The following EEF2K variants were observed in gnomAD, a reference collection of about 807,000 sequenced individuals.
EEF2K encodes eukaryotic elongation factor 2 kinase.
Under a neutral mutation model 93.8 loss-of-function variants are expected in EEF2K, and 70 were observed. The observed-to-expected ratio is 0.75, with a 90% CI of 0.62 to 0.91. The LOEUF is 0.91. Ranked by LOEUF, EEF2K falls within the 40% of genes least tolerant of loss-of-function variation. The pLI, the probability that EEF2K is intolerant of heterozygous loss-of-function variation, is 0.00. For missense variants in EEF2K, 935 were observed against 972.9 expected, an observed-to-expected ratio of 0.96 and a Z score of 0.52; for synonymous variants, 376 against 380.8, an observed-to-expected ratio of 0.99 and a Z score of 0.15.
chr16:22,268,029 A>T (rs2047541970), intron 15 of EEF2K, among the ~76,000 whole-genome samples: 1 of 152,124 alleles, frequency 6.6e-6, no homozygotes, highest in South Asian at 2.1e-4. Context: ...GCAGGACATC[A>T]GCTCTCCTTG....
At chr16:22,269,590 T>C (rs1432512617) in intron 15 of EEF2K, among the ~76,000 whole-genome samples, 1 of 151,846 alleles carries the variant, frequency 6.6e-6, no homozygotes, top group African/African-American at 2.4e-5. Flanking sequence ...TTAGTGGAGA[T>C]GGGGTTTCAC....
chr16:22,217,882 G>C (rs1179954009), intron 1 of EEF2K, among the ~76,000 whole-genome samples: 1 of 152,162 alleles, frequency 6.6e-6, no homozygotes, highest in Non-Finnish European at 1.5e-5. Flanking sequence ...CGCTGGGCTT[G>C]GTAGTTTGGT....
intron 15 of EEF2K, among the ~76,000 whole-genome samples, chr16:22,271,979 T>C (rs966998707): frequency 6.6e-6 from 1 of 152,216 alleles, no homozygotes; most frequent in African/African-American, 2.4e-5. Flanking sequence ...TTTTAAATAC[T>C]GGAAGGATAT....
At chr16:22,232,881 G>T (rs1031096755) in intron 2 of EEF2K, among the ~76,000 whole-genome samples, 8 of 149,494 alleles carry the variant, frequency 5.4e-5, no homozygotes, top group Non-Finnish European at 1.0e-4. Context: ...AACCTAAGTG[G>T]TTTTTTTTTT....
intron 6 of EEF2K, among the ~76,000 whole-genome samples, chr16:22,252,995 G>A (rs2047365896): frequency 6.6e-6 from 1 of 152,146 alleles, no homozygotes; most frequent in Non-Finnish European, 1.5e-5. Flanking sequence ...AATTCAAGAT[G>A]AGCTTTGAGT....
intron 2 of EEF2K, among the ~76,000 whole-genome samples, chr16:22,241,001 C>T (rs968090498): frequency 6.6e-6 from 1 of 152,010 alleles, no homozygotes; most frequent in African/African-American, 2.4e-5. Context: ...AACTCCTGAC[C>T]TTGTGATCTG....
chr16:22,260,776 A>C (rs1226921447), intron 11 of EEF2K, among the ~76,000 whole-genome samples: 2 of 152,216 alleles, frequency 1.3e-5, no homozygotes, highest in Non-Finnish European at 2.9e-5. Flanking sequence ...AGGGACTCCC[A>C]GTCAGCAACA....
chr16:22,282,424 C>T (rs1029924298), intron 17 of EEF2K, among the ~76,000 whole-genome samples: 3 of 152,122 alleles, frequency 2.0e-5, no homozygotes, highest in Non-Finnish European at 4.4e-5. Context: ...CCCTTATGAC[C>T]TCATTTAAGC....
chr16:22,229,523 C>G (rs540083375), intron 2 of EEF2K, among the ~76,000 whole-genome samples: 1 of 152,036 alleles, frequency 6.6e-6, no homozygotes. Flanking sequence ...GCCAACATGG[C>G]GAAACCCCGT....
chr16:22,257,557 C>A, intron 8 of EEF2K, 86 bp from the exon 9 acceptor site: 1 of 1,570,952 alleles, frequency 6.4e-7, no homozygotes, highest in Non-Finnish European at 8.6e-7. Context: ...TTTATACCTG[C>A]CCTGGCCATA....
intron 16 of EEF2K, among the ~76,000 whole-genome samples, chr16:22,277,379 C>T (rs1391702312): frequency 6.6e-6 from 1 of 152,184 alleles, no homozygotes; most frequent in Non-Finnish European, 1.5e-5. Context: ...AAGAGATCCT[C>T]CAACCTAGGC....
At chr16:22,222,702 T>TAAAAAAAAAAA (rs1161314400) in intron 1 of EEF2K, among the ~76,000 whole-genome samples, 1 of 96,530 alleles carries the variant, frequency 1.0e-5, no homozygotes, top group Non-Finnish European at 2.2e-5. Context: ...ACCCCGTCCC[T>TAAAAAAAAAAA]AAAAAAAAAA....
rs932709268 is a variant in EEF2K, at chr16:22,266,931, T to A, written c.1764+55T>A. ...GTGGGGGTGGGACTTGGTCACCCTG[T>A]GGTTCACCTGCCTCCCATCCTGGAA... is the stretch of plus-strand genomic sequence containing the variant. On this transcript the variant is annotated intron_variant, in intron 15 of 17. Transcript: ENST00000263026. 10 of 1,537,606 alleles carry A rather than the reference T, an allele frequency of 6.5e-6. No individual in the cohort carries two copies. The Admixed American group carries it at 1.7e-4, about 27-fold the overall frequency.
rs370720736 is a variant in EEF2K at position 22,231,393 on chromosome 16, G to C, written c.246+5418G>C. On this transcript the variant is annotated intron_variant, in intron 2 of 17. Coordinates refer to ENST00000263026, the MANE Select transcript of EEF2K (RefSeq NM_013302.5). Reference sequence around the variant, plus strand: ...GACCTCCCAAAGTGCTGGGATTACAGGCATGAGCCACCACGCCCGACCTGA... The same window carrying C: ...GACCTCCCAAAGTGCTGGGATTACACGCATGAGCCACCACGCCCGACCTGA... 2.9e-3 allele frequency among the ~76,000 whole-genome samples: 443 copies of C among 151,836 alleles called. 17 individuals are homozygous for C. In the South Asian group the frequency reaches 0.083, roughly 28 times the overall value.
intron 9 of EEF2K, among the ~76,000 whole-genome samples, chr16:22,258,083 T>C (rs2047424774): frequency 6.6e-6 from 1 of 152,038 alleles, no homozygotes; most frequent in South Asian, 2.1e-4. Context: ...TGTGATGTAT[T>C]GACAAATGAC....
At chr16:22,256,392 C>A (rs2047399234) in intron 6 of EEF2K, among the ~76,000 whole-genome samples, 1 of 152,024 alleles carries the variant, frequency 6.6e-6, no homozygotes, top group Admixed American at 6.6e-5. Flanking sequence ...GCCACCATGC[C>A]CAGCCTTAAT....
Position 22,258,502 on chromosome 16 carries a change from C to G in EEF2K, c.1038C>G (p.Ala346=). Residue 346 remains alanine (A), a synonymous_variant, in exon 10 of 18, where the codon GCC becomes GCG. Transcript: ENST00000263026. ...VNQNTKLLQS[A]KTILRGTEEK... ...CCTATTAATGTCCCTAGCAATCAGCCAAGACCATCTTGAGAGGAACAGAGG... is the reference window on the plus strand; with the variant it reads ...CCTATTAATGTCCCTAGCAATCAGCGAAGACCATCTTGAGAGGAACAGAGG... 1 of 1,614,000 alleles carries G rather than the reference C, an allele frequency of 6.2e-7. No individual in the cohort carries two copies. Among genetic ancestry groups the G allele is most frequent in the Non-Finnish European group, 8.5e-7 (1 of 1,180,006 alleles).
At chr16:22,237,343 A>G (rs1417885842) in intron 2 of EEF2K, among the ~76,000 whole-genome samples, 1 of 152,028 alleles carries the variant, frequency 6.6e-6, no homozygotes. Flanking sequence ...CGGCCTTAAG[A>G]ATCATCTAAC....
chr16:22,280,807 G>A (rs747678124), intron 17 of EEF2K, among the ~76,000 whole-genome samples: 5 of 152,028 alleles, frequency 3.3e-5, no homozygotes, highest in Non-Finnish European at 5.9e-5. Context: ...TGGGATTACA[G>A]GTGTGCCACC....
Sources: gnomAD v4.1 joint callset for allele counts (sites outside exome capture counted in the v4.1 genomes callset) on GRCh38, gnomAD v4.1.1 for gene constraint, MANE v1.5 for transcripts, NCBI Gene and HGNC (gene_info 2026-07-23, HGNC 2026-07-21) for gene names.